INVS: variants seen among roughly 807,000 people sequenced by gnomAD.
The protein encoded by INVS is inversin, also known as inversion of embryo turning homolog.
Under a neutral mutation model 108.8 loss-of-function variants are expected in INVS, and 86 were observed. The ratio of observed to expected loss-of-function variants is 0.79; its 90% CI spans 0.66 to 0.95. The LOEUF (loss-of-function observed/expected upper bound fraction) is 0.95. INVS is among the 40% of genes least tolerant of loss of function. The probability of loss-of-function intolerance (pLI) is 0.00; values close to 1 mark genes in which losing one functional copy is unlikely to be tolerated. For missense variants in INVS, 1,169 were observed against 1,297.4 expected, an observed-to-expected ratio of 0.90 and a Z score of 1.52; for synonymous variants, 455 against 473.5, an observed-to-expected ratio of 0.96 and a Z score of 0.51.
chr9:100,223,767 T>A (rs1012021497), intron 3 of INVS, among the ~76,000 whole-genome samples: 1 of 152,228 alleles, frequency 6.6e-6, no homozygotes, highest in Non-Finnish European at 1.5e-5. Flanking sequence ...AGTCTTCCCA[T>A]CTAATATAGA....
At chr9:100,245,782 A>G (rs1477320288) in intron 7 of INVS, among the ~76,000 whole-genome samples, 1 of 152,238 alleles carries the variant, frequency 6.6e-6, no homozygotes, top group African/African-American at 2.4e-5. Flanking sequence ...GGCAAAAGCA[A>G]ACAAACAAAA....
chr9:100,161,386 A>C (rs939273971), intron 3 of INVS, among the ~76,000 whole-genome samples: 10 of 151,508 alleles, frequency 6.6e-5, no homozygotes, highest in Middle Eastern at 3.4e-3. Flanking sequence ...AAAAAAAAAA[A>C]AAAAAACCTC....
At chr9:100,227,146 A>G (rs988787536) in intron 4 of INVS, among the ~76,000 whole-genome samples, 21 of 152,370 alleles carry the variant, frequency 1.4e-4, no homozygotes, top group Middle Eastern at 3.4e-3. Context: ...GAACAAGTAT[A>G]ACATAGGAAA....
intron 3 of INVS, among the ~76,000 whole-genome samples, chr9:100,158,091 T>C (rs12377746): frequency 0.16 from 24,228 of 152,158 alleles, 2,667 homozygotes; most frequent in African/African-American, 0.31. Context: ...TTCTGCCATC[T>C]GTATTGCTTT....
intron 10 of INVS, among the ~76,000 whole-genome samples, chr9:100,259,747 G>A (rs993236178): frequency 1.4e-4 from 21 of 151,546 alleles, no homozygotes; most frequent in South Asian, 4.2e-4. Context: ...ACGGGGTTTC[G>A]TCACATTGGC....
intron 4 of INVS, among the ~76,000 whole-genome samples, chr9:100,227,991 C>CTTTTTTTTTTT (rs33912012): frequency 1.5e-5 from 2 of 133,450 alleles, no homozygotes; most frequent in African/African-American, 2.8e-5. Context: ...TTCTTTCTTT[C>CTTTTTTTTTTT]TTTTTTTTTT....
chr9:100,255,180 T>C (rs1353425202), intron 10 of INVS, among the ~76,000 whole-genome samples: 1 of 152,194 alleles, frequency 6.6e-6, no homozygotes, highest in Non-Finnish European at 1.5e-5. Flanking sequence ...TTTGAAGACA[T>C]TGCGAATGGG....
chr9:100,170,574 A>T (rs1291659913), intron 3 of INVS, among the ~76,000 whole-genome samples: 11 of 151,648 alleles, frequency 7.3e-5, no homozygotes, highest in Non-Finnish European at 1.6e-4. Flanking sequence ...CAAAAAAAAA[A>T]TAAAATAAAA....
At chr9:100,221,017 T>C (rs561146634) in intron 3 of INVS, among the ~76,000 whole-genome samples, 103 of 151,088 alleles carry the variant, frequency 6.8e-4, no homozygotes, top group Middle Eastern at 3.4e-3. Context: ...CTCCAAAAAG[T>C]ATTTGCATTA....
At chr9:100,168,666 T>C (rs1829442172) in intron 3 of INVS, among the ~76,000 whole-genome samples, 1 of 152,156 alleles carries the variant, frequency 6.6e-6, no homozygotes. Flanking sequence ...ATATCGGCCT[T>C]ATTCATGGTG....
At position 100,264,618 on chromosome 9, in the gene INVS, CA is replaced by C. The variant is rs36049678; in HGVS notation, c.1465-188del. ...GAGCGACGAGAGCGAAACTCCGTCTCAAAAAAAAAAAAAAAATAGTGTTAAT... is the reference window on the plus strand; with the variant it reads ...GAGCGACGAGAGCGAAACTCCGTCTCAAAAAAAAAAAAAAATAGTGTTAAT... On this transcript the variant is annotated intron_variant, in intron 10 of 16. Transcript: ENST00000262457. 0.35 allele frequency among the ~76,000 whole-genome samples: 45,145 copies of C among 127,180 alleles called. 7,246 individuals are homozygous for C. Among genetic ancestry groups the C allele is most frequent in the Non-Finnish European group, 0.43 (25,924 of 60,474 alleles). 83.4% of individuals were successfully genotyped at this position (127,180 alleles called of 152,430 possible). A position where few individuals can be genotyped will look rare whatever the true frequency, so the allele number is the denominator to read the frequency against.
chr9:100,182,552 GA>G (rs1829923618), intron 3 of INVS, among the ~76,000 whole-genome samples: 1 of 152,152 alleles, frequency 6.6e-6, no homozygotes, highest in Non-Finnish European at 1.5e-5. Flanking sequence ...AGTCATTAGA[GA>G]AATGCAAATT....
At chr9:100,117,460 CT>C in intron 2 of INVS, 3 of 787,534 alleles carry the variant, frequency 3.8e-6, no homozygotes, top group Non-Finnish European at 6.7e-6. Context: ...GCATGCACTC[CT>C]TATCCTCGGC....
intron 11 of INVS, among the ~76,000 whole-genome samples, chr9:100,272,546 G>A (rs2806695): frequency 0.3 from 45,493 of 152,002 alleles, 7,950 homozygotes; most frequent in Non-Finnish European, 0.41. Context: ...ATGGGGCAGG[G>A]AATTATTTGG....
chr9:100,296,498 T>G (rs1215412689), intron 14 of INVS, among the ~76,000 whole-genome samples: 1 of 152,238 alleles, frequency 6.6e-6, no homozygotes, highest in African/African-American at 2.4e-5. Flanking sequence ...TTCTGCTACG[T>G]AGAATGCCCT....
intron 4 of INVS, among the ~76,000 whole-genome samples, chr9:100,227,781 T>C (rs1342932510): frequency 6.6e-6 from 1 of 152,096 alleles, no homozygotes; most frequent in South Asian, 2.1e-4. Flanking sequence ...AAATTACTTC[T>C]TCAAAGACAT....
At chr9:100,161,873 A>G (rs570542353) in intron 3 of INVS, among the ~76,000 whole-genome samples, 2 of 152,336 alleles carry the variant, frequency 1.3e-5, no homozygotes, top group East Asian at 3.9e-4. Context: ...AGAGAACTTC[A>G]ACTGGGAAAA....
intron 3 of INVS, among the ~76,000 whole-genome samples, chr9:100,166,897 C>T (rs1220720697): frequency 6.6e-6 from 1 of 152,134 alleles, no homozygotes; most frequent in Non-Finnish European, 1.5e-5. Context: ...CCAGAATGAT[C>T]CTTTAAAACT....
intron 3 of INVS, among the ~76,000 whole-genome samples, chr9:100,144,191 CCTGG>C (rs1270800772): frequency 6.6e-6 from 1 of 151,864 alleles, no homozygotes; most frequent in Non-Finnish European, 1.5e-5. Flanking sequence ...TGGAGGAACT[CCTGG>C]CTGCTGTGGT....
Sources: gnomAD v4.1 joint callset for allele counts (sites outside exome capture counted in the v4.1 genomes callset) on GRCh38, gnomAD v4.1.1 for gene constraint, MANE v1.5 for transcripts, NCBI Gene and HGNC (gene_info 2026-07-23, HGNC 2026-07-21) for gene names.